SHTN1: variants seen among roughly 807,000 people sequenced by gnomAD.
SHTN1 encodes shootin-1.
In SHTN1, 42 loss-of-function variants were observed where a neutral mutation model predicts 83.1. The observed-to-expected ratio is 0.51, with a 90% CI of 0.39 to 0.65. The LOEUF is 0.65. Ranked by LOEUF, SHTN1 falls within the 30% of genes least tolerant of loss-of-function variation. SHTN1 has a pLI of 0.00. For missense variants in SHTN1, 622 were observed against 737.8 expected, an observed-to-expected ratio of 0.84 and a Z score of 1.82; for synonymous variants, 224 against 247.7, an observed-to-expected ratio of 0.90 and a Z score of 0.90.
intron 1 of SHTN1, among the ~76,000 whole-genome samples, chr10:117,058,729 A>AAAAGC (rs1490221949): frequency 7.9e-5 from 12 of 152,214 alleles, no homozygotes; most frequent in Non-Finnish European, 1.8e-4. Flanking sequence ...AGCCATAGCC[A>AAAAGC]AAAGCAACCC....
At chr10:117,067,600 A>T (rs1265328431) in intron 1 of SHTN1, among the ~76,000 whole-genome samples, 1 of 152,218 alleles carries the variant, frequency 6.6e-6, no homozygotes, top group Non-Finnish European at 1.5e-5. Context: ...ATCTAAAAAA[A>T]AATTTTTAAA....
chr10:116,913,807 T>TA (rs1355652485), intron 13 of SHTN1, among the ~76,000 whole-genome samples: 5 of 152,174 alleles, frequency 3.3e-5, no homozygotes, highest in African/African-American at 1.2e-4. Flanking sequence ...AGGCAGGTGC[T>TA]ATCCCCATCT....
rs530860145 is a variant in SHTN1 at position 116,944,392 on chromosome 10, G to C, written c.711+532C>G. Among the ~76,000 whole-genome samples the C allele has an allele frequency of 2.0e-5, 3 of 152,260 alleles. No individual in the cohort carries two copies. In the South Asian group the frequency reaches 6.2e-4, roughly 32 times the overall value. On this transcript the variant is annotated intron_variant, in intron 8 of 16. Transcript: ENST00000355371. ...AGATGGTAAAAGTGAAGCCCTGAGA[G>C]GCTGAAGAATTGCTCAGAGGTCATA...
upstream of SHTN1, among the ~76,000 whole-genome samples, chr10:117,006,370 T>C (rs1282771075): frequency 4.6e-5 from 7 of 151,532 alleles, no homozygotes; most frequent in Admixed American, 6.6e-5. Flanking sequence ...ATCGAGACCA[T>C]CCTGGCTAAC....
chr10:117,016,437 C>T (rs1852181847), intron 2 of SHTN1, among the ~76,000 whole-genome samples: 2 of 152,162 alleles, frequency 1.3e-5, no homozygotes, highest in African/African-American at 4.8e-5. Flanking sequence ...GACTGAGTCT[C>T]GCTCTGTCAC....
chr10:116,934,203 A>G (rs1347951022), intron 9 of SHTN1, among the ~76,000 whole-genome samples: 2 of 152,066 alleles, frequency 1.3e-5, no homozygotes, highest in Non-Finnish European at 2.9e-5. Context: ...TTTTGTTGCC[A>G]TTGCTTTTGG....
chr10:117,069,177 G>T (rs1328560084), intron 1 of SHTN1, among the ~76,000 whole-genome samples: 1 of 152,114 alleles, frequency 6.6e-6, no homozygotes, highest in Non-Finnish European at 1.5e-5. Flanking sequence ...TTGTAAGAAG[G>T]CAGGAATAAT....
At chr10:116,963,049 T>G (rs891144218) in intron 3 of SHTN1, among the ~76,000 whole-genome samples, 9 of 9,088 alleles carry the variant, frequency 9.9e-4, no homozygotes, top group South Asian at 3.7e-3. Flanking sequence ...TTTTTTTTTT[T>G]TTTTTTTTTT....
At chr10:116,968,452 A>T (rs1166797434) in intron 3 of SHTN1, among the ~76,000 whole-genome samples, 200 bp downstream of exon 3, 4 of 152,214 alleles carry the variant, frequency 2.6e-5, no homozygotes, top group Non-Finnish European at 1.5e-5. Context: ...TTTTTCTAAC[A>T]CCCTTGATGA....
rs191065224 is a variant in SHTN1, at chr10:116,938,834, C to T, written c.858+1632G>A. 1.3e-4 allele frequency among the ~76,000 whole-genome samples: 20 copies of T among 152,356 alleles called. No individual in the cohort carries two copies. The East Asian group carries it at 3.9e-3, about 29-fold the overall frequency. On this transcript the variant is annotated intron_variant, in intron 9 of 16. Transcript: ENST00000355371. ...TTTATCTACAAGCCCCTGACTGGGG[C>T]TGCTGCCTCTCTTTCAGAGATGCTT...
At chr10:117,006,251 G>GT (rs770967125), upstream of SHTN1, among the ~76,000 whole-genome samples, 2,664 of 120,188 alleles carry the variant, frequency 0.022, 76 homozygotes, top group African/African-American at 0.073. Context: ...TTTTTTTTTT[G>GT]TTTTTTTGTT....
intron 1 of SHTN1, among the ~76,000 whole-genome samples, chr10:117,063,290 T>C (rs1184600696): frequency 2.0e-5 from 3 of 152,152 alleles, no homozygotes; most frequent in African/African-American, 4.8e-5. Flanking sequence ...CCCCCATCCC[T>C]TCAGATAGCG....
chr10:116,962,043 C>A (rs999288601), intron 3 of SHTN1, among the ~76,000 whole-genome samples: 1 of 131,000 alleles, frequency 7.6e-6, no homozygotes, highest in Admixed American at 7.7e-5. Flanking sequence ...GTTGAAGCTC[C>A]CCCCCCCTTC....
At chr10:117,039,636 G>A (rs1254300386) in intron 2 of SHTN1, among the ~76,000 whole-genome samples, 1 of 151,978 alleles carries the variant, frequency 6.6e-6, no homozygotes, top group Non-Finnish European at 1.5e-5. Context: ...GGCAGATCAC[G>A]AGGTCAGGAG....
intron 1 of SHTN1, among the ~76,000 whole-genome samples, chr10:116,996,516 T>G (rs370695295): frequency 1.8e-4 from 27 of 152,302 alleles, no homozygotes; most frequent in African/African-American, 4.8e-4. Flanking sequence ...CAGATTGCAA[T>G]TGCCTGCCCC....
At chr10:116,897,344 G>C (rs1211055958) in intron 16 of SHTN1, among the ~76,000 whole-genome samples, 1 of 152,180 alleles carries the variant, frequency 6.6e-6, no homozygotes, top group Non-Finnish European at 1.5e-5. Context: ...GGAAATATGT[G>C]CCTCTTACTC....
chr10:116,899,757 T>G (rs999945969), intron 16 of SHTN1, among the ~76,000 whole-genome samples: 1 of 152,204 alleles, frequency 6.6e-6, no homozygotes, highest in African/African-American at 2.4e-5. Flanking sequence ...ACTTTACTTA[T>G]TAATTGCTGA....
intron 12 of SHTN1, among the ~76,000 whole-genome samples, chr10:116,917,832 C>T (rs1330843207): frequency 6.6e-6 from 1 of 152,270 alleles, no homozygotes; most frequent in East Asian, 1.9e-4. Context: ...TTTAATTTCT[C>T]AGTCTTTTTC....
intron 2 of SHTN1, among the ~76,000 whole-genome samples, chr10:117,039,080 T>C (rs1413050783): frequency 6.6e-6 from 1 of 152,204 alleles, no homozygotes; most frequent in Non-Finnish European, 1.5e-5. Flanking sequence ...TGTCAAAAGC[T>C]GGAGGCACCA....
Sources: gnomAD v4.1 joint callset for allele counts (sites outside exome capture counted in the v4.1 genomes callset) on GRCh38, gnomAD v4.1.1 for gene constraint, MANE v1.5 for transcripts, NCBI Gene and HGNC (gene_info 2026-07-23, HGNC 2026-07-21) for gene names.